Variants in R3HDM2 observed in about 807,000 individuals in gnomAD.
R3HDM2 encodes the protein R3H domain containing 2, also known as R3H domain-containing protein 2.
Under a neutral mutation model 124.5 loss-of-function variants are expected in R3HDM2, and 38 were observed. That is an observed-to-expected ratio of 0.31 (90% CI 0.24 to 0.40). The LOEUF (loss-of-function observed/expected upper bound fraction) is 0.40. Ranked by LOEUF, R3HDM2 falls within the 10% of genes least tolerant of loss-of-function variation. The pLI is 1.00. For synonymous variants in R3HDM2, 391 were observed against 448.0 expected (o/e 0.87, Z 1.61); for missense variants, 869 against 1,236.9 (o/e 0.70, Z 4.46).
intron 1 of R3HDM2, among the ~76,000 whole-genome samples, chr12:57,420,938 C>T (rs1403408094): frequency 6.6e-6 from 1 of 152,110 alleles, no homozygotes; most frequent in Non-Finnish European, 1.5e-5. Context: ...ACAGGTACCT[C>T]AAATTCAACC....
intron 1 of R3HDM2, among the ~76,000 whole-genome samples, chr12:57,402,547 G>A (rs987556393): frequency 6.6e-6 from 1 of 151,874 alleles, no homozygotes; most frequent in Non-Finnish European, 1.5e-5. Flanking sequence ...ATGTTGGCCA[G>A]GCTGGTCTCA....
intron 1 of R3HDM2, among the ~76,000 whole-genome samples, chr12:57,420,606 C>T (rs972777511): frequency 1.3e-5 from 2 of 151,656 alleles, no homozygotes; most frequent in African/African-American, 2.4e-5. Flanking sequence ...AATCCTCTCG[C>T]CTAGGCCCAT....
intron 1 of R3HDM2, among the ~76,000 whole-genome samples, chr12:57,421,480 G>A (rs1392669304): frequency 2.8e-5 from 4 of 143,486 alleles, no homozygotes; most frequent in Non-Finnish European, 3.0e-5. Flanking sequence ...TTTAAAGACA[G>A]GGTCATCACT....
At chr12:57,271,458 ACACG>A (rs2043573335) in intron 14 of R3HDM2, among the ~76,000 whole-genome samples, 1 of 151,838 alleles carries the variant, frequency 6.6e-6, no homozygotes, top group Non-Finnish European at 1.5e-5. Context: ...ACACACACAC[ACACG>A]CACACACAAC....
At chr12:57,284,901 GAT>G (rs2046984885) in intron 12 of R3HDM2, among the ~76,000 whole-genome samples, 1 of 152,150 alleles carries the variant, frequency 6.6e-6, no homozygotes. Context: ...CACTGTCTAT[GAT>G]TATTAACAGC....
At chr12:57,263,685 C>T (rs1368754586) in intron 19 of R3HDM2, among the ~76,000 whole-genome samples, 1 of 152,102 alleles carries the variant, frequency 6.6e-6, no homozygotes, top group African/African-American at 2.4e-5. Flanking sequence ...GCCAGGCTGG[C>T]TGGTCTCGAA....
chr12:57,273,228 A>G (rs1469600329), intron 14 of R3HDM2, among the ~76,000 whole-genome samples: 4 of 152,162 alleles, frequency 2.6e-5, no homozygotes, highest in African/African-American at 4.8e-5. Context: ...CCACCCCCCA[A>G]GCAAACAGGA....
intron 1 of R3HDM2, among the ~76,000 whole-genome samples, chr12:57,421,797 C>T (rs928861789): frequency 1.3e-5 from 2 of 152,104 alleles, no homozygotes; most frequent in Non-Finnish European, 2.9e-5. Context: ...TGAGACACTA[C>T]ACCCAGCCTA....
At chr12:57,333,828 G>C (rs1196658561) in intron 2 of R3HDM2, among the ~76,000 whole-genome samples, 1 of 151,868 alleles carries the variant, frequency 6.6e-6, no homozygotes, top group Non-Finnish European at 1.5e-5. Flanking sequence ...GGATGACGAG[G>C]TTAGGAGTTC....
In R3HDM2 at chr12:57,330,694, CTTTTTTTT is replaced by C. The variant is rs10571548; in HGVS notation, c.-35-20239_-35-20232del. On this transcript the variant is annotated intron_variant, in intron 2 of 23. Transcript: ENST00000402412. ...TTTTTGTGGCATCTTTAGGGCTTTT[CTTTTTTTT>C]TTTTTTTTTTTTTTGAGACGGAGTC... Among the ~76,000 whole-genome samples the C allele has an allele frequency of 4.3e-3, 304 of 70,740 alleles. 6 individuals carry two copies. In the East Asian group the frequency reaches 0.084, roughly 20 times the overall value. 46.4% of individuals were successfully genotyped at this position (70,740 alleles called of 152,430 possible). A position where few individuals can be genotyped will look rare whatever the true frequency, so the allele number is the denominator to read the frequency against.
intron 2 of R3HDM2, among the ~76,000 whole-genome samples, chr12:57,392,805 T>A (rs917626120): frequency 1.1e-5 from 1 of 93,686 alleles, no homozygotes; most frequent in African/African-American, 3.2e-5. Flanking sequence ...TATAGTACAC[T>A]TTTTTTTTTT....
chr12:57,286,261 G>A (rs1314358144), intron 12 of R3HDM2, among the ~76,000 whole-genome samples: 2 of 152,188 alleles, frequency 1.3e-5, no homozygotes, highest in Admixed American at 1.3e-4. Flanking sequence ...AATGGGTAGA[G>A]ATGCCTGTGG....
chr12:57,377,936 A>AAAT (rs1435601742), intron 2 of R3HDM2, among the ~76,000 whole-genome samples: 1 of 152,098 alleles, frequency 6.6e-6, no homozygotes, highest in Non-Finnish European at 1.5e-5. Flanking sequence ...AAAAATACAA[A>AAAT]AATTAGCCAG....
chr12:57,362,247 C>G (rs1001236305), intron 2 of R3HDM2, among the ~76,000 whole-genome samples: 1 of 152,204 alleles, frequency 6.6e-6, no homozygotes, highest in African/African-American at 2.4e-5. Flanking sequence ...ACAGCAAGAC[C>G]AACCCCTCTT....
At chr12:57,327,533 T>G (rs2057488894) in intron 2 of R3HDM2, among the ~76,000 whole-genome samples, 2 of 151,946 alleles carry the variant, frequency 1.3e-5, no homozygotes, top group African/African-American at 4.8e-5. Flanking sequence ...ATTCCTCTGA[T>G]GGATCTAGGC....
At chr12:57,331,715 C>A (rs540208875) in intron 2 of R3HDM2, among the ~76,000 whole-genome samples, 4 of 151,856 alleles carry the variant, frequency 2.6e-5, no homozygotes, top group Non-Finnish European at 5.9e-5. Flanking sequence ...GAGATCAAGA[C>A]CATCCTGGCT....
At chr12:57,306,698 G>A (rs1005545482) in intron 3 of R3HDM2, among the ~76,000 whole-genome samples, 1 of 151,460 alleles carries the variant, frequency 6.6e-6, no homozygotes, top group African/African-American at 2.4e-5. Flanking sequence ...GTGAGCCACC[G>A]CGCCTGGCCT....
At chr12:57,323,195 A>G (rs2056740994) in intron 2 of R3HDM2, among the ~76,000 whole-genome samples, 1 of 152,208 alleles carries the variant, frequency 6.6e-6, no homozygotes, top group East Asian at 1.9e-4. Flanking sequence ...TTTCCATTAC[A>G]GTGTCAAAAC....
At chr12:57,361,717 A>G (rs2061990980) in intron 2 of R3HDM2, among the ~76,000 whole-genome samples, 1 of 152,130 alleles carries the variant, frequency 6.6e-6, no homozygotes, top group African/African-American at 2.4e-5. Flanking sequence ...GCATACCTAT[A>G]GACTCTAATA....
Sources: gnomAD v4.1 joint callset for allele counts (sites outside exome capture counted in the v4.1 genomes callset) on GRCh38, gnomAD v4.1.1 for gene constraint, MANE v1.5 for transcripts, NCBI Gene and HGNC (gene_info 2026-07-23, HGNC 2026-07-21) for gene names.